The following RALGAPA2 variants were observed in gnomAD, a reference collection of about 807,000 sequenced individuals.
The protein encoded by RALGAPA2 is Ral GTPase activating protein catalytic subunit alpha 2, also known as ral GTPase-activating protein subunit alpha-2.
In RALGAPA2, 139 loss-of-function variants were observed where a neutral mutation model predicts 230.4. The observed-to-expected ratio is 0.60, with a 90% CI of 0.53 to 0.69. The LOEUF is 0.69. Among genes scored for constraint, RALGAPA2 ranks in the 30% least tolerant of loss-of-function variants. The pLI, the probability that RALGAPA2 is intolerant of heterozygous loss-of-function variation, is 0.00. For synonymous variants in RALGAPA2, 847 were observed against 837.8 expected, an observed-to-expected ratio of 1.01 and a Z score of -0.19; for missense variants, 2,163 against 2,276.0, an observed-to-expected ratio of 0.95 and a Z score of 1.01.
intron 13 of RALGAPA2, among the ~76,000 whole-genome samples, chr20:20,611,912 A>C: frequency 6.6e-6 from 1 of 152,150 alleles, no homozygotes; most frequent in East Asian, 1.9e-4. Context: ...GTGGAATGCC[A>C]CAGTACTCTC....
chr20:20,511,183 C>G, intron 33 of RALGAPA2, 71 bp downstream of exon 33: 1 of 1,530,916 alleles, frequency 6.5e-7, no homozygotes, highest in Admixed American at 2.3e-5. Context: ...TTCATTCCTG[C>G]TGTTGTATCT....
intron 37 of RALGAPA2, among the ~76,000 whole-genome samples, chr20:20,454,312 G>C (rs2061058386): frequency 6.6e-6 from 1 of 152,202 alleles, no homozygotes. Flanking sequence ...TAATGAATTT[G>C]AGCATGTCTG....
intron 4 of RALGAPA2, among the ~76,000 whole-genome samples, chr20:20,646,228 G>A (rs1568698000): frequency 2.0e-5 from 3 of 151,982 alleles, no homozygotes; most frequent in Non-Finnish European, 4.4e-5. Flanking sequence ...CTAATTTTTT[G>A]TATTTTAGTA....
Position 20,639,862 on chromosome 20 carries a change from C to G in RALGAPA2, c.589G>C (p.Ala197Pro). The G allele has an allele frequency of 4.3e-6, 7 of 1,613,636 alleles. No individual in the cohort carries two copies. Among genetic ancestry groups the G allele is most frequent in the Non-Finnish European group, 5.1e-6 (6 of 1,179,576 alleles). ...TCAGCAATCTTCTCCCCTGATATGG[C>G]TGGTAGGAGTGGAGTGATTTCTTCT... ...YPEEITPLLP[A>P]ISGEKIAEDQ... The change falls in exon 7 of 40, where the codon GCC (alanine) becomes CCC (proline). Residue 197 changes from alanine (A) to proline (P), a missense_variant. Transcript: ENST00000202677.
chr20:20,505,453 T>C lies in RALGAPA2; in HGVS notation c.5010A>G (p.Gly1670=). ...DKCSILSNER[G]SQAYEDFVAG... The stretch of plus-strand genomic sequence containing the variant: ...CAACAAAGTCTTCATATGCTTGGCT[T>C]CCTCTTTCATTAGAGAGGATTGAAC... Residue 1670 remains glycine, a synonymous_variant, in exon 34 of 40, where the codon GGA becomes GGG. Coordinates refer to ENST00000202677, the MANE Select transcript of RALGAPA2 (RefSeq NM_020343.4). 6.2e-7 allele frequency: 1 copy of C among 1,602,202 alleles called. No individual in the cohort carries two copies. Among genetic ancestry groups the C allele is most frequent in the Non-Finnish European group, 8.5e-7 (1 of 1,173,612 alleles).
chr20:20,400,534 G>A lies in RALGAPA2; in HGVS notation c.5618-3800C>T, dbSNP rs373695276. On this transcript the variant is annotated intron_variant, in intron 38 of 39. Coordinates refer to ENST00000202677, the MANE Select transcript of RALGAPA2 (RefSeq NM_020343.4). ...ATAATGTACTTGTGTGTGGCTCTAT[G>A]ACTAAATTAAACTAAATTATAAATT... Among the ~76,000 whole-genome samples the A allele has an allele frequency of 3.3e-5, 5 of 152,258 alleles. No individual in the cohort carries two copies. The South Asian group carries it at 6.2e-4, about 19-fold the overall frequency.
chr20:20,683,084 T>A (rs1217294272), intron 1 of RALGAPA2, among the ~76,000 whole-genome samples: 1 of 152,192 alleles, frequency 6.6e-6, no homozygotes, highest in Non-Finnish European at 1.5e-5. Context: ...GGAACCTCCA[T>A]CCACCCCGCT....
At chr20:20,506,356 C>T (rs1216142998) in intron 33 of RALGAPA2, among the ~76,000 whole-genome samples, 1 of 152,078 alleles carries the variant, frequency 6.6e-6, no homozygotes, top group African/African-American at 2.4e-5. Context: ...TTACACTGAG[C>T]AGATATATGG....
In RALGAPA2 at chr20:20,396,616, G is replaced by A. The variant is rs557506259; in HGVS notation, c.*35+79C>T. On this transcript the variant is annotated intron_variant, in intron 39 of 39. Coordinates refer to ENST00000202677, the MANE Select transcript of RALGAPA2 (RefSeq NM_020343.4). ...GAGCACTGATGCAGGGTCCGCTACC[G>A]AGGGCAGCCGATTAGAAAAGTCCCA... 402 of 1,346,844 alleles carry A rather than the reference G, an allele frequency of 3.0e-4. 1 individual carries two copies. The highest frequency in any genetic ancestry group is 1.8e-3 in the Middle Eastern group (10 of 5,454). The allele number at this position is 1,346,844 out of a possible 1,614,324, so 83.4% of individuals were successfully genotyped here. A position where few individuals can be genotyped will look rare whatever the true frequency, so the allele number is the denominator to read the frequency against.
At chr20:20,541,268 T>C (rs879792451) in intron 24 of RALGAPA2, among the ~76,000 whole-genome samples, 1 of 152,076 alleles carries the variant, frequency 6.6e-6, no homozygotes, top group Non-Finnish European at 1.5e-5. Context: ...CAAGACCCCC[T>C]CAGTGGATGA....
At chr20:20,531,928 T>G (rs1451101798) in intron 26 of RALGAPA2, 133 bp from the exon 27 acceptor site, 1 of 770,698 alleles carries the variant, frequency 1.3e-6, no homozygotes, top group Admixed American at 2.9e-5. Context: ...AGCAGAATGT[T>G]TTCTTGAAAG....
At chr20:20,593,733 G>A (rs957533772) in intron 16 of RALGAPA2, among the ~76,000 whole-genome samples, 3 of 152,244 alleles carry the variant, frequency 2.0e-5, no homozygotes, top group African/African-American at 7.2e-5. Context: ...TCTGGGCTAT[G>A]AGCAGGAGCA....
chr20:20,511,377 G>C lies in RALGAPA2; in HGVS notation c.4857-52C>G. The C allele has an allele frequency of 2.0e-6, 3 of 1,515,486 alleles. No individual in the cohort carries two copies. In the South Asian group the frequency reaches 3.8e-5, roughly 19 times the overall value. 93.9% of individuals were successfully genotyped at this position (1,515,486 alleles called of 1,614,324 possible). A position where few individuals can be genotyped will look rare whatever the true frequency, so the allele number is the denominator to read the frequency against. On this transcript the variant is annotated intron_variant, in intron 32 of 39. Transcript: ENST00000202677. Reference sequence around the variant, plus strand: ...AACCATGTGATTACAGAACCATTTTGCCGCTTTTCAATCAGTAATTTAATA... The same window carrying C: ...AACCATGTGATTACAGAACCATTTTCCCGCTTTTCAATCAGTAATTTAATA...
Position 20,524,968 on chromosome 20 carries a change from C to T in RALGAPA2, c.3694-70G>A, listed in dbSNP as rs377328026. The T allele has an allele frequency of 4.3e-6, 6 of 1,388,030 alleles. No homozygotes were observed. The South Asian group carries it at 6.6e-5, about 15-fold the overall frequency. The allele number at this position is 1,388,030 out of a possible 1,614,324, so 86.0% of individuals were successfully genotyped here. On this transcript the variant is annotated intron_variant, in intron 28 of 39. Coordinates refer to ENST00000202677, the MANE Select transcript of RALGAPA2 (RefSeq NM_020343.4). Reference sequence around the variant, plus strand: ...GCCTTTGTAAGCCTATGTTAGGAGTCCCACGATGGCCTTGCAACTAAACCC... The same window carrying T: ...GCCTTTGTAAGCCTATGTTAGGAGTTCCACGATGGCCTTGCAACTAAACCC...
rs2065791019 is a variant in RALGAPA2 at position 20,605,427 on chromosome 20, C to G, written c.1801-15G>C. The G allele has an allele frequency of 2.6e-6, 4 of 1,557,662 alleles. No individual in the cohort carries two copies. The highest frequency in any genetic ancestry group is 3.5e-6 in the Non-Finnish European group (4 of 1,131,266). On this transcript the variant is annotated splice_polypyrimidine_tract_variant and intron_variant, in intron 14 of 39. Transcript: ENST00000202677. ...ACCATGAGCGTCTAAAACCAACCAA[C>G]CAACAAGAGAATTCACACATCTTCA...
chr20:20,563,543 C>A (rs1157553539), intron 23 of RALGAPA2, among the ~76,000 whole-genome samples: 1 of 152,194 alleles, frequency 6.6e-6, no homozygotes, highest in African/African-American at 2.4e-5. Flanking sequence ...GGCAAGAATT[C>A]TTTGGGGACA....
intron 9 of RALGAPA2, among the ~76,000 whole-genome samples, chr20:20,631,588 A>G (rs1191691234): frequency 6.6e-6 from 1 of 152,232 alleles, no homozygotes; most frequent in Non-Finnish European, 1.5e-5. Context: ...TAGAAGCTGG[A>G]CATGGCAAGA....
intron 16 of RALGAPA2, among the ~76,000 whole-genome samples, chr20:20,595,476 A>G (rs2065423081): frequency 6.6e-6 from 1 of 152,234 alleles, no homozygotes; most frequent in Admixed American, 6.5e-5. Context: ...TCCTAGAAGC[A>G]CACAAACCAG....
chr20:20,395,326 G>A (rs2059689203), intron 39 of RALGAPA2, among the ~76,000 whole-genome samples: 1 of 152,240 alleles, frequency 6.6e-6, no homozygotes, highest in South Asian at 2.1e-4. Flanking sequence ...GGCAGCTGCA[G>A]GACAGGTAGG....
Sources: gnomAD v4.1 joint callset for allele counts (sites outside exome capture counted in the v4.1 genomes callset) on GRCh38, gnomAD v4.1.1 for gene constraint, MANE v1.5 for transcripts, NCBI Gene and HGNC (gene_info 2026-07-23, HGNC 2026-07-21) for gene names.